The following EBF1 variants were observed in gnomAD, a reference collection of about 807,000 sequenced individuals.
EBF1 encodes EBF transcription factor 1, also known as transcription factor COE1.
In EBF1, 10 loss-of-function variants were observed where a neutral mutation model predicts 68.4. That is an observed-to-expected ratio of 0.15 (90% confidence interval 0.09 to 0.25). EBF1 has a LOEUF of 0.25. EBF1 is among the 10% of genes least tolerant of loss of function. The pLI is 1.00. For missense variants in EBF1, 509 were observed against 794.4 expected, an observed-to-expected ratio of 0.64 and a Z score of 4.32; for synonymous variants, 298 against 299.8, an observed-to-expected ratio of 0.99 and a Z score of 0.06.
chr5:158,773,568 G>A (rs1167242745), intron 10 of EBF1, among the ~76,000 whole-genome samples: 1 of 152,042 alleles, frequency 6.6e-6, no homozygotes, highest in Non-Finnish European at 1.5e-5. Context: ...GGTACCCCTA[G>A]GCTGCTCAAA....
intron 10 of EBF1, among the ~76,000 whole-genome samples, chr5:158,740,735 G>T (rs1308723824): frequency 6.6e-6 from 1 of 152,136 alleles, no homozygotes; most frequent in African/African-American, 2.4e-5. Flanking sequence ...ATGAAGTCAG[G>T]CTTCTTCAGT....
chr5:159,013,382 G>C (rs1237029370), intron 6 of EBF1, among the ~76,000 whole-genome samples: 1 of 152,156 alleles, frequency 6.6e-6, no homozygotes. Context: ...GTCTCTGAAG[G>C]ACACAGGCCC....
rs1216733516 is a variant in EBF1 at position 158,698,443 on chromosome 5, C to T, written c.*668G>A. 3 of 221,534 alleles carry T rather than the reference C, an allele frequency of 1.4e-5. No homozygotes were observed. Among genetic ancestry groups the T allele is most frequent in the African/African-American group, 4.5e-5 (2 of 44,568 alleles). 13.7% of individuals were successfully genotyped at this position (221,534 alleles called of 1,614,324 possible). On this transcript the variant is annotated 3_prime_UTR_variant, in exon 16 of 16. Coordinates refer to ENST00000313708, the MANE Select transcript of EBF1 (RefSeq NM_024007.5). ...CATCGCGTTTTAACTTTCCAGGCTG[C>T]ATTTATTTACACAGTTGCTTAAGAC...
intron 6 of EBF1, among the ~76,000 whole-genome samples, chr5:158,938,844 A>G (rs781452790): frequency 2.2e-4 from 33 of 152,340 alleles, no homozygotes; most frequent in Admixed American, 4.6e-4. Flanking sequence ...TGAATATTGG[A>G]AAGACACAAA....
intron 6 of EBF1, among the ~76,000 whole-genome samples, chr5:158,883,590 A>G (rs1269128114): frequency 6.6e-6 from 1 of 152,160 alleles, no homozygotes; most frequent in Non-Finnish European, 1.5e-5. Flanking sequence ...AATCAGCACC[A>G]GGAACTATGC....
chr5:158,771,380 C>T (rs1452676360), intron 10 of EBF1, among the ~76,000 whole-genome samples: 3 of 151,944 alleles, frequency 2.0e-5, no homozygotes, highest in African/African-American at 7.2e-5. Context: ...CCCATTTTTT[C>T]ATTTAAAGAA....
chr5:158,770,794 AT>A (rs921955869), intron 10 of EBF1, among the ~76,000 whole-genome samples: 28 of 152,252 alleles, frequency 1.8e-4, no homozygotes, highest in African/African-American at 6.7e-4. Context: ...GTAGAGAAAT[AT>A]CTCTAACTGA....
chr5:158,790,678 A>G (rs1044683471), intron 9 of EBF1, among the ~76,000 whole-genome samples: 5 of 152,150 alleles, frequency 3.3e-5, no homozygotes, highest in African/African-American at 1.2e-4. Context: ...CTCATCTCCC[A>G]ATGGGTATCT....
Position 158,901,332 on chromosome 5 carries a change from T to G in EBF1, c.555-61222A>C, listed in dbSNP as rs538850618. Among the ~76,000 whole-genome samples, 4 of 152,332 alleles carry G rather than the reference T, an allele frequency of 2.6e-5. No homozygotes were observed. In the East Asian group the frequency reaches 5.8e-4, roughly 22 times the overall value. On this transcript the variant is annotated intron_variant, in intron 6 of 15. Transcript: ENST00000313708. Reference sequence around the variant, plus strand: ...CTGTCTGAAAAATTGCCTTAATTATTTATTTAATTTTCCTATTATTTGTCT... The same window carrying G: ...CTGTCTGAAAAATTGCCTTAATTATGTATTTAATTTTCCTATTATTTGTCT...
chr5:158,945,557 G>A (rs138420694), intron 6 of EBF1, among the ~76,000 whole-genome samples: 3,547 of 152,288 alleles, frequency 0.023, 140 homozygotes, highest in African/African-American at 0.082. Flanking sequence ...AGTCTGATGG[G>A]CTTCCCTTTG....
intron 6 of EBF1, among the ~76,000 whole-genome samples, chr5:158,876,496 C>T (rs1797833381): frequency 1.3e-5 from 2 of 152,136 alleles, no homozygotes; most frequent in Admixed American, 1.3e-4. Flanking sequence ...CTGATGTTTT[C>T]GGTCTCACTG....
intron 6 of EBF1, among the ~76,000 whole-genome samples, chr5:158,896,608 A>G (rs1330911157): frequency 6.6e-6 from 1 of 152,212 alleles, no homozygotes; most frequent in Non-Finnish European, 1.5e-5. Flanking sequence ...CTCAAATTGT[A>G]TGATTTCAAA....
At chr5:158,911,756 C>T (rs998279352) in intron 6 of EBF1, among the ~76,000 whole-genome samples, 3 of 152,174 alleles carry the variant, frequency 2.0e-5, no homozygotes, top group African/African-American at 7.2e-5. Flanking sequence ...TGGCTAGAAC[C>T]ACTGTGAGCT....
intron 6 of EBF1, among the ~76,000 whole-genome samples, chr5:159,039,977 G>C (rs996537888): frequency 6.6e-6 from 1 of 152,122 alleles, no homozygotes; most frequent in South Asian, 2.1e-4. Flanking sequence ...GCGTAAAATT[G>C]TTTTTTGCTC....
intron 10 of EBF1, among the ~76,000 whole-genome samples, chr5:158,752,741 A>G (rs1769201982): frequency 6.6e-6 from 1 of 151,384 alleles, no homozygotes; most frequent in South Asian, 2.1e-4. Context: ...CTTGGCTCCA[A>G]TGCAGCAAAT....
rs141015026 is a variant in EBF1 at position 158,928,758 on chromosome 5, AAGAAATAT to A, written c.555-88656_555-88649del. Among the ~76,000 whole-genome samples the A allele has an allele frequency of 2.2e-3, 329 of 152,360 alleles. 2 individuals carry two copies. Among genetic ancestry groups the A allele is most frequent in the African/African-American group, 7.6e-3 (316 of 41,594 alleles). On this transcript the variant is annotated intron_variant, in intron 6 of 15. Coordinates refer to ENST00000313708, the MANE Select transcript of EBF1 (RefSeq NM_024007.5). The stretch of plus-strand genomic sequence containing the variant: ...GTTTTCATTTCGTTTAAAGGGAATA[AAGAAATAT>A]AGTTTTATTTGAAACAAGGTAAAAC...
intron 6 of EBF1, among the ~76,000 whole-genome samples, chr5:159,066,906 A>C (rs1776909309): frequency 6.6e-6 from 1 of 152,148 alleles, no homozygotes; most frequent in South Asian, 2.1e-4. Context: ...GATAGTATGT[A>C]GTTACGCGGT....
chr5:158,714,706 C>T (rs185661321), intron 11 of EBF1, among the ~76,000 whole-genome samples: 229 of 152,088 alleles, frequency 1.5e-3, no homozygotes, highest in South Asian at 5.0e-3. Flanking sequence ...TGTAGGAAAC[C>T]CACATACTGA....
chr5:158,714,103 C>A lies in EBF1; in HGVS notation c.1191+14G>T, dbSNP rs1457166780. 1 of 1,613,866 alleles carries A rather than the reference C, an allele frequency of 6.2e-7. No homozygotes were observed. The highest frequency in any genetic ancestry group is 8.5e-7 in the Non-Finnish European group (1 of 1,179,850). ...TGTGGCAGTCCACACAGGCTAGACA[C>A]CCACAGCGCTCACCTGGTTGTTGTG... On this transcript the variant is annotated intron_variant, in intron 12 of 15. Coordinates refer to ENST00000313708, the MANE Select transcript of EBF1 (RefSeq NM_024007.5).
Sources: allele counts gnomAD v4.1 joint callset (sites outside exome capture counted in the v4.1 genomes callset), GRCh38; gene constraint gnomAD v4.1.1; transcripts MANE v1.5; gene names NCBI Gene and HGNC (gene_info 2026-07-23, HGNC 2026-07-21).